The following KAT6A variants were observed in gnomAD, a reference collection of about 807,000 sequenced individuals.
KAT6A encodes lysine acetyltransferase 6A.
KAT6A carries 9 observed loss-of-function variants against 198.4 expected under a neutral mutation model. The observed-to-expected ratio is 0.05, with a 90% CI of 0.03 to 0.08. The LOEUF (loss-of-function observed/expected upper bound fraction) is 0.08. Ranked by LOEUF, KAT6A falls within the 10% of genes least tolerant of loss-of-function variation. KAT6A has a pLI of 1.00. For synonymous variants in KAT6A, 890 were observed against 883.0 expected (o/e 1.01, Z -0.14); for missense variants, 2,077 against 2,509.9 (o/e 0.83, Z 3.69).
At chr8:41,939,178 A>T (rs1428159653) in intron 15 of KAT6A, among the ~76,000 whole-genome samples, 2 of 152,146 alleles carry the variant, frequency 1.3e-5, no homozygotes, top group African/African-American at 4.8e-5. Context: ...CCCAAGCAGA[A>T]ATTCAAATAA....
At chr8:41,996,891 G>A (rs369542237) in intron 2 of KAT6A, among the ~76,000 whole-genome samples, 1 of 152,064 alleles carries the variant, frequency 6.6e-6, no homozygotes, top group East Asian at 1.9e-4. Flanking sequence ...ATTGCAACTC[G>A]TTTCTTTAAA....
chr8:42,048,292 A>G, intron 2 of KAT6A, 86 bp downstream of exon 2: 1 of 1,479,278 alleles, frequency 6.8e-7, no homozygotes, highest in South Asian at 1.3e-5. Flanking sequence ...CCAAACAAAA[A>G]ACTTGAATAT....
At chr8:41,947,382 C>A (rs967652895) in intron 11 of KAT6A, among the ~76,000 whole-genome samples, 1 of 152,118 alleles carries the variant, frequency 6.6e-6, no homozygotes, top group Non-Finnish European at 1.5e-5. Flanking sequence ...AACCAAAATG[C>A]CTTCTTACTC....
chr8:41,993,717 A>G (rs570459895), intron 2 of KAT6A, among the ~76,000 whole-genome samples: 1 of 152,234 alleles, frequency 6.6e-6, no homozygotes, highest in East Asian at 1.9e-4. Flanking sequence ...TAAATCATCT[A>G]GGTTAAGACA....
chr8:41,982,590 G>A (rs1446563303), intron 3 of KAT6A, among the ~76,000 whole-genome samples: 1 of 152,124 alleles, frequency 6.6e-6, no homozygotes, highest in African/African-American at 2.4e-5. Flanking sequence ...AGCATAATGA[G>A]ATCTGCTGTC....
At chr8:41,983,645 C>T (rs190379125) in intron 3 of KAT6A, among the ~76,000 whole-genome samples, 1 of 152,152 alleles carries the variant, frequency 6.6e-6, no homozygotes, top group African/African-American at 2.4e-5. Flanking sequence ...GAATGAATTC[C>T]TGAAAGTGGG....
At position 41,947,744 on chromosome 8, in the gene KAT6A, T is replaced by C. The variant is rs751969083; in HGVS notation, c.1902+7A>G. ...AGTTCAAACAAACTTTAAGCTGACATACTTACCTTAGAAAAGTAGCCAACA... is the reference window on the plus strand; with the variant it reads ...AGTTCAAACAAACTTTAAGCTGACACACTTACCTTAGAAAAGTAGCCAACA... On this transcript the variant is annotated splice_region_variant and intron_variant, in intron 11 of 16. Coordinates refer to ENST00000265713, the MANE Select transcript of KAT6A (RefSeq NM_006766.5). 42 of 1,584,786 alleles carry C rather than the reference T, an allele frequency of 2.7e-5. No homozygotes were observed. The highest frequency in any genetic ancestry group is 3.5e-5 in the Non-Finnish European group (41 of 1,171,956).
intron 2 of KAT6A, among the ~76,000 whole-genome samples, chr8:42,011,250 C>G (rs1433762964): frequency 1.3e-5 from 2 of 152,162 alleles, no homozygotes; most frequent in Non-Finnish European, 1.5e-5. Flanking sequence ...TTTAGAAACT[C>G]AGAATGAAAA....
At chr8:41,985,159 T>C (rs1824544425) in intron 3 of KAT6A, among the ~76,000 whole-genome samples, 1 of 152,112 alleles carries the variant, frequency 6.6e-6, no homozygotes, top group Non-Finnish European at 1.5e-5. Context: ...CATTCTATGT[T>C]TTATATATTT....
At chr8:42,003,206 C>T (rs1289933729) in intron 2 of KAT6A, among the ~76,000 whole-genome samples, 2 of 152,146 alleles carry the variant, frequency 1.3e-5, no homozygotes, top group Non-Finnish European at 2.9e-5. Flanking sequence ...TGGCCCTTTC[C>T]GAGGAGAAAC....
At chr8:41,943,045 G>A (rs1390013895) in intron 13 of KAT6A, 45 bp from the exon 14 acceptor site, 13 of 1,608,510 alleles carry the variant, frequency 8.1e-6, no homozygotes, top group Non-Finnish European at 1.1e-5. Flanking sequence ...TGTACAAGGT[G>A]TACATAAAAA....
chr8:41,930,547 G>A lies in KAT6A; in HGVS notation c.*1658C>T, dbSNP rs1350371967. ...CTTTAAAAATTTATCTATATAAAAT[G>A]TACAAATAAAGGAGAGAATTTAATG... On this transcript the variant is annotated 3_prime_UTR_variant, in exon 17 of 17. Transcript: ENST00000265713. 5.2e-6 allele frequency: 1 copy of A among 191,108 alleles called. No individual in the cohort carries two copies. The highest frequency in any genetic ancestry group is 1.1e-5 in the Non-Finnish European group (1 of 91,722). 11.8% of individuals were successfully genotyped at this position (191,108 alleles called of 1,614,324 possible). A position where few individuals can be genotyped will look rare whatever the true frequency, so the allele number is the denominator to read the frequency against.
chr8:42,023,098 T>C lies in KAT6A; in HGVS notation c.600+25280A>G, dbSNP rs140250689. On this transcript the variant is annotated intron_variant, in intron 2 of 16. Transcript: ENST00000265713. ...TTACTATACTGAATATTGAAGGCAA[T>C]TGTAACACAATGGTAAGATTTTGAG... Among the ~76,000 whole-genome samples the C allele has an allele frequency of 7.0e-3, 1,059 of 152,276 alleles. 13 individuals are homozygous for C. Among genetic ancestry groups the C allele is most frequent in the African/African-American group, 0.025 (1,021 of 41,546 alleles).
chr8:41,939,037 A>G (rs1249998075), intron 15 of KAT6A, among the ~76,000 whole-genome samples: 1 of 152,160 alleles, frequency 6.6e-6, no homozygotes, highest in Non-Finnish European at 1.5e-5. Context: ...AAACTGGAAC[A>G]ATCTGAGCAA....
At chr8:41,996,445 A>G (rs1314928558) in intron 2 of KAT6A, among the ~76,000 whole-genome samples, 1 of 152,232 alleles carries the variant, frequency 6.6e-6, no homozygotes, top group Non-Finnish European at 1.5e-5. Flanking sequence ...TAAGCAACAA[A>G]AAAGGATAAT....
At chr8:42,018,323 G>A (rs1218997878) in intron 2 of KAT6A, among the ~76,000 whole-genome samples, 4 of 152,036 alleles carry the variant, frequency 2.6e-5, no homozygotes, top group African/African-American at 9.7e-5. Context: ...ATCACCTGTG[G>A]TCAGGAGTTC....
chr8:41,977,962 T>C (rs1414998591), intron 6 of KAT6A, among the ~76,000 whole-genome samples: 1 of 151,960 alleles, frequency 6.6e-6, no homozygotes, highest in African/African-American at 2.4e-5. Flanking sequence ...TAAAGGGAGG[T>C]TGACAAGCCT....
chr8:42,011,465 C>T (rs761118516), intron 2 of KAT6A, among the ~76,000 whole-genome samples: 2 of 152,144 alleles, frequency 1.3e-5, no homozygotes, highest in Non-Finnish European at 2.9e-5. Flanking sequence ...CGGCCGGGTG[C>T]GGTGACTCAC....
intron 8 of KAT6A, among the ~76,000 whole-genome samples, chr8:41,968,452 A>T (rs1054778467): frequency 6.6e-6 from 1 of 152,144 alleles, no homozygotes; most frequent in Non-Finnish European, 1.5e-5. Context: ...TTAGAATGGC[A>T]ATCATTAAAA....
Sources: allele counts gnomAD v4.1 joint callset (sites outside exome capture counted in the v4.1 genomes callset), GRCh38; gene constraint gnomAD v4.1.1; transcripts MANE v1.5; gene names NCBI Gene and HGNC (gene_info 2026-07-23, HGNC 2026-07-21).